RIMS2: variants seen among roughly 807,000 people sequenced by gnomAD.
RIMS2 encodes regulating synaptic membrane exocytosis 2.
RIMS2 carries 59 observed loss-of-function variants against 174.4 expected under a neutral mutation model. The observed-to-expected ratio is 0.34, with a 90% CI of 0.27 to 0.42. The LOEUF is 0.42. RIMS2 is among the 10% of genes least tolerant of loss of function. The pLI, the probability that RIMS2 is intolerant of heterozygous loss-of-function variation, is 1.00. For synonymous variants in RIMS2, 606 were observed against 572.5 expected (o/e 1.06, Z -0.84); for missense variants, 1,620 against 1,666.3 (o/e 0.97, Z 0.48).
chr8:103,664,387 G>C (rs1266254028), intron 1 of RIMS2, among the ~76,000 whole-genome samples: 1 of 152,064 alleles, frequency 6.6e-6, no homozygotes, highest in African/African-American at 2.4e-5. Context: ...ATCTGACAAA[G>C]GGCTAATATC....
At chr8:104,167,488 G>T (rs1010943880) in intron 19 of RIMS2, among the ~76,000 whole-genome samples, 1 of 151,814 alleles carries the variant, frequency 6.6e-6, no homozygotes, top group Non-Finnish European at 1.5e-5. Flanking sequence ...TTTGATAATT[G>T]TCTATGTTTT....
At chr8:104,112,820 T>G (rs2131842380) in intron 19 of RIMS2, among the ~76,000 whole-genome samples, 1 of 152,308 alleles carries the variant, frequency 6.6e-6, no homozygotes, top group East Asian at 1.9e-4. Context: ...AAATACCTGT[T>G]GAAGGATGAA....
chr8:103,647,302 G>A (rs1483728272), intron 1 of RIMS2, among the ~76,000 whole-genome samples: 2 of 151,812 alleles, frequency 1.3e-5, no homozygotes, highest in South Asian at 4.2e-4. Context: ...GAAGTTTTTT[G>A]TTGTTGTTGT....
intron 2 of RIMS2, among the ~76,000 whole-genome samples, chr8:103,717,027 C>A (rs1373973632): frequency 6.7e-6 from 1 of 150,304 alleles, no homozygotes; most frequent in Non-Finnish European, 1.5e-5. Context: ...TTATCTGATT[C>A]TTTTGGATGA....
intron 17 of RIMS2, among the ~76,000 whole-genome samples, chr8:104,011,852 A>T (rs1260509583): frequency 6.6e-6 from 1 of 152,040 alleles, no homozygotes; most frequent in Non-Finnish European, 1.5e-5. Context: ...AAGAAATAAT[A>T]CATAGATATA....
chr8:103,543,489 G>C (rs1843481611), intron 1 of RIMS2, among the ~76,000 whole-genome samples: 1 of 152,044 alleles, frequency 6.6e-6, no homozygotes, highest in Admixed American at 6.5e-5. Context: ...ATTTTTCACA[G>C]AAGCAGAAAA....
At chr8:104,127,283 A>C (rs1169252934) in intron 19 of RIMS2, among the ~76,000 whole-genome samples, 1 of 152,230 alleles carries the variant, frequency 6.6e-6, no homozygotes, top group African/African-American at 2.4e-5. Context: ...TTTAAGTTAT[A>C]ATTACATCAG....
At chr8:104,249,701 G>A in intron 22 of RIMS2, 113 bp downstream of exon 28, 1 of 634,080 alleles carries the variant, frequency 1.6e-6, no homozygotes, top group African/African-American at 1.8e-5. Context: ...ACTAATGGAT[G>A]GTCCATTATG....
intron 8 of RIMS2, among the ~76,000 whole-genome samples, chr8:103,917,150 A>G (rs1022588352): frequency 1.3e-5 from 2 of 152,206 alleles, no homozygotes; most frequent in Non-Finnish European, 2.9e-5. Context: ...AAGGTAAAAT[A>G]TATACCTATA....
intron 19 of RIMS2, among the ~76,000 whole-genome samples, chr8:104,115,898 T>C (rs1488926542): frequency 1.3e-5 from 2 of 152,150 alleles, no homozygotes; most frequent in Non-Finnish European, 2.9e-5. Flanking sequence ...TATGTTATCT[T>C]TGTAAACAAC....
At chr8:103,660,079 T>C (rs1300655566) in intron 1 of RIMS2, among the ~76,000 whole-genome samples, 2 of 152,224 alleles carry the variant, frequency 1.3e-5, no homozygotes, top group Non-Finnish European at 2.9e-5. Context: ...ATAGGTGCCC[T>C]GGGCCCTGCC....
intron 19 of RIMS2, among the ~76,000 whole-genome samples, chr8:104,095,680 A>G (rs1002791027): frequency 6.6e-6 from 1 of 151,882 alleles, no homozygotes; most frequent in African/African-American, 2.4e-5. Context: ...TAAATTATGT[A>G]CATTTTGGAG....
intron 1 of RIMS2, among the ~76,000 whole-genome samples, chr8:103,503,973 A>G (rs896377985): frequency 6.6e-6 from 1 of 152,194 alleles, no homozygotes; most frequent in Admixed American, 6.5e-5. Context: ...CTGAACATCC[A>G]CATAGGAAGT....
At chr8:104,125,920 G>A (rs1237222124) in intron 19 of RIMS2, among the ~76,000 whole-genome samples, 1 of 152,160 alleles carries the variant, frequency 6.6e-6, no homozygotes, top group Non-Finnish European at 1.5e-5. Flanking sequence ...GATTCCTGAA[G>A]GTCTCTTCCA....
At chr8:103,876,864 T>TTATATATATATATATA (rs199997824) in intron 3 of RIMS2, among the ~76,000 whole-genome samples, 96 of 67,964 alleles carry the variant, frequency 1.4e-3, no homozygotes, top group East Asian at 2.6e-3. Context: ...ACACACTATT[T>TTATATATATATATATA]TATATATATA....
intron 19 of RIMS2, among the ~76,000 whole-genome samples, chr8:104,113,879 A>G (rs1229410315): frequency 1.3e-5 from 2 of 151,882 alleles, no homozygotes; most frequent in African/African-American, 2.4e-5. Flanking sequence ...CAATTCAGTT[A>G]TTTTTTTAAA....
Position 104,065,755 on chromosome 8 carries a change from A to G in RIMS2, c.3334+51140A>G, listed in dbSNP as rs867243453. On this transcript the variant is annotated intron_variant, in intron 19 of 23. Transcript: ENST00000504942. Reference sequence around the variant, plus strand: ...TAGTCGTTTGAGATTTCATTGGTTAAGACTCTAATAAAGAATTTTCCAATT... The same window carrying G: ...TAGTCGTTTGAGATTTCATTGGTTAGGACTCTAATAAAGAATTTTCCAATT... Among the ~76,000 whole-genome samples the G allele has an allele frequency of 5.3e-5, 8 of 152,154 alleles. No individual in the cohort carries two copies. In the South Asian group the frequency reaches 1.7e-3, roughly 32 times the overall value.
intron 19 of RIMS2, among the ~76,000 whole-genome samples, chr8:104,117,635 C>T (rs923278894): frequency 6.6e-6 from 1 of 152,146 alleles, no homozygotes; most frequent in Admixed American, 6.5e-5. Flanking sequence ...ACCTACCACA[C>T]CTAGCCAAAA....
At chr8:103,744,585 C>G (rs187936375) in intron 2 of RIMS2, among the ~76,000 whole-genome samples, 4 of 152,178 alleles carry the variant, frequency 2.6e-5, no homozygotes, top group Admixed American at 2.6e-4. Flanking sequence ...GTACCCTACT[C>G]ATATGCCTTC....
Sources: allele counts gnomAD v4.1 joint callset (sites outside exome capture counted in the v4.1 genomes callset), GRCh38; gene constraint gnomAD v4.1.1; transcripts MANE v1.5; gene names NCBI Gene and HGNC (gene_info 2026-07-23, HGNC 2026-07-21).